Variants in ITGA11 observed in about 807,000 individuals in gnomAD.
The protein encoded by ITGA11 is integrin alpha-11.
A neutral mutation model predicts 141.9 loss-of-function variants in ITGA11; 97 were observed. The ratio of observed to expected loss-of-function variants is 0.68; its 90% confidence interval spans 0.58 to 0.81. ITGA11 has a LOEUF of 0.81. ITGA11 is among the 30% of genes least tolerant of loss of function. The pLI is 0.00. For synonymous variants in ITGA11, 658 were observed against 624.6 expected (o/e 1.05, Z -0.80); for missense variants, 1,387 against 1,559.2 (o/e 0.89, Z 1.86).
Position 68,335,780 on chromosome 15 carries a change from ACCGGGGGGCTCCGGCCACGTACACCCG to A in ITGA11, c.1315_1341del (p.Arg439_Arg447del), listed in dbSNP as rs1894334156. 2.5e-6 allele frequency: 4 copies of A among 1,613,452 alleles called. No homozygotes were observed. Among genetic ancestry groups the A allele is most frequent in the Non-Finnish European group, 3.4e-6 (4 of 1,179,738 alleles). The stretch of plus-strand genomic sequence containing the variant: ...AGGATGACCTTGCCCGTGTGGTTGA[ACCGGGGGGCTCCGGCCACGTACACCCG>A]CCCCTGCCTGGAGGACACGACCGAT... On this transcript the variant is annotated inframe_deletion, in exon 12 of 30. Coordinates refer to ENST00000315757, the MANE Select transcript of ITGA11 (RefSeq NM_001004439.2). This position sits in a 1 kb window ranked among gnomAD's most constrained non-coding sequence, Gnocchi z 4.9.
At chr15:68,370,318 C>T (rs540702551) in intron 2 of ITGA11, among the ~76,000 whole-genome samples, 176 of 152,320 alleles carry the variant, frequency 1.2e-3, no homozygotes, top group African/African-American at 4.0e-3. Context: ...GGTGGCCGTG[C>T]CCTGGAGGAA....
At chr15:68,393,092 A>C (rs759445618) in intron 2 of ITGA11, among the ~76,000 whole-genome samples, 2 of 152,220 alleles carry the variant, frequency 1.3e-5, no homozygotes, top group Non-Finnish European at 2.9e-5. Context: ...ATCTGTAATA[A>C]AGAGTATATC....
chr15:68,428,418 G>C (rs1897193734), intron 1 of ITGA11, among the ~76,000 whole-genome samples: 1 of 152,148 alleles, frequency 6.6e-6, no homozygotes, highest in Non-Finnish European at 1.5e-5. Flanking sequence ...GTGTGGATGG[G>C]CTGGGAATGG....
intron 10 of ITGA11, among the ~76,000 whole-genome samples, chr15:68,348,339 C>T (rs917079043): frequency 1.3e-5 from 2 of 152,216 alleles, no homozygotes; most frequent in Non-Finnish European, 2.9e-5. Flanking sequence ...GATACCCTCC[C>T]AACATTGACA....
chr15:68,417,096 G>T (rs761338896), intron 1 of ITGA11, among the ~76,000 whole-genome samples: 1 of 151,824 alleles, frequency 6.6e-6, no homozygotes, highest in Non-Finnish European at 1.5e-5. Context: ...AACATGGCCC[G>T]AGCTCCTGAG....
intron 2 of ITGA11, among the ~76,000 whole-genome samples, chr15:68,373,096 T>C (rs1287966877): frequency 6.6e-6 from 1 of 152,186 alleles, no homozygotes; most frequent in Non-Finnish European, 1.5e-5. Context: ...CCCTGTGGTG[T>C]GTGTACCCCA....
chr15:68,320,085 C>T, intron 20 of ITGA11, 100 bp downstream of exon 20: 1 of 1,021,116 alleles, frequency 9.8e-7, no homozygotes, highest in South Asian at 1.4e-5. Flanking sequence ...CCACTGCATC[C>T]AGCTTTCTTG....
chr15:68,420,581 T>C (rs1169846160), intron 1 of ITGA11, among the ~76,000 whole-genome samples: 1 of 152,210 alleles, frequency 6.6e-6, no homozygotes, highest in East Asian at 1.9e-4. Flanking sequence ...ACCTACCTAG[T>C]AGCCTGGGGT....
intron 2 of ITGA11, among the ~76,000 whole-genome samples, chr15:68,386,854 G>A (rs1169016334): frequency 6.6e-6 from 1 of 152,102 alleles, no homozygotes; most frequent in Non-Finnish European, 1.5e-5. Flanking sequence ...TCCTCTCGTG[G>A]GTACAAGACA....
rs774912749 is a variant in ITGA11, at chr15:68,301,995, C to T, written c.*1064G>A. 2 of 152,832 alleles carry T rather than the reference C, an allele frequency of 1.3e-5. No individual in the cohort carries two copies. Among genetic ancestry groups the T allele is most frequent in the Admixed American group, 6.6e-5 (1 of 15,260 alleles). 9.5% of individuals were successfully genotyped at this position (152,832 alleles called of 1,614,324 possible). On this transcript the variant is annotated 3_prime_UTR_variant, in exon 30 of 30. Transcript: ENST00000315757. This position sits in a 1 kb window ranked among gnomAD's most constrained non-coding sequence, Gnocchi z 4.4. ...TCAGTGCATTCCAGAGGGGACCCCT[C>T]AACAGCGCTGGCCAAGCCCTTCCCT...
chr15:68,332,332 C>T lies in ITGA11; in HGVS notation c.1566+6G>A, dbSNP rs781554684. The T allele has an allele frequency of 1.1e-5, 18 of 1,601,262 alleles. No homozygotes were observed. Among genetic ancestry groups the T allele is most frequent in the South Asian group, 2.3e-5 (2 of 88,340 alleles). On this transcript the variant is annotated splice_donor_region_variant and intron_variant, in intron 13 of 29. Coordinates refer to ENST00000315757, the MANE Select transcript of ITGA11 (RefSeq NM_001004439.2). ...GAGAAGCTGCCCAGCCCCTGCCCAG[C>T]TGTACCTGTCTCAGCTCATAGACGT...
intron 2 of ITGA11, among the ~76,000 whole-genome samples, chr15:68,381,398 C>T (rs1895857814): frequency 6.6e-6 from 1 of 152,154 alleles, no homozygotes; most frequent in African/African-American, 2.4e-5. Flanking sequence ...AACAGTGGGA[C>T]ATGTGTGCCT....
At chr15:68,306,058 C>T (rs185168631) in intron 28 of ITGA11, among the ~76,000 whole-genome samples, 174 of 148,900 alleles carry the variant, frequency 1.2e-3, no homozygotes, top group Admixed American at 4.6e-3. Flanking sequence ...GGCGTAGTGG[C>T]GGGCGCCTGT....
intron 28 of ITGA11, among the ~76,000 whole-genome samples, chr15:68,306,716 C>A (rs189028372): frequency 6.6e-6 from 1 of 152,190 alleles, no homozygotes; most frequent in Non-Finnish European, 1.5e-5. Context: ...ATAAGGGATG[C>A]TTCCTGACCC....
chr15:68,335,968 G>A lies in ITGA11; in HGVS notation c.1277-123C>T. 1 of 1,162,688 alleles carries A rather than the reference G, an allele frequency of 8.6e-7. No homozygotes were observed. The highest frequency in any genetic ancestry group is 2.6e-5 in the East Asian group (1 of 38,924). The allele number at this position is 1,162,688 out of a possible 1,614,324, so 72.0% of individuals were successfully genotyped here. ...TGATGGGGTAGGTTCAGGGCTAGCT[G>A]AGCAGATTCAATCACGCAGGGCCAT... On this transcript the variant is annotated intron_variant, in intron 11 of 29. Coordinates refer to ENST00000315757, the MANE Select transcript of ITGA11 (RefSeq NM_001004439.2). This position sits in a 1 kb window ranked among gnomAD's most constrained non-coding sequence, Gnocchi z 4.9.
At chr15:68,349,760 A>G (rs1416313307) in intron 9 of ITGA11, among the ~76,000 whole-genome samples, 1 of 152,198 alleles carries the variant, frequency 6.6e-6, no homozygotes, top group African/African-American at 2.4e-5. Flanking sequence ...ATGGAGCTTA[A>G]ATCACAAGGA....
At chr15:68,368,223 G>T (rs1466809817) in intron 3 of ITGA11, among the ~76,000 whole-genome samples, 1 of 152,164 alleles carries the variant, frequency 6.6e-6, no homozygotes, top group Non-Finnish European at 1.5e-5. Context: ...CCACTGCTCT[G>T]GGGTGGAGAC....
chr15:68,319,248 T>C (rs1893708873), intron 20 of ITGA11, among the ~76,000 whole-genome samples: 2 of 152,224 alleles, frequency 1.3e-5, no homozygotes, highest in African/African-American at 2.4e-5. Flanking sequence ...CCCCTCCCTA[T>C]GCCTCAGTTT....
intron 2 of ITGA11, among the ~76,000 whole-genome samples, chr15:68,382,749 C>A (rs951247460): frequency 6.6e-6 from 1 of 152,212 alleles, no homozygotes; most frequent in African/African-American, 2.4e-5. Context: ...TTTTCTACAA[C>A]TCTCTTTCCA....
Sources: allele counts gnomAD v4.1 joint callset (sites outside exome capture counted in the v4.1 genomes callset), GRCh38; gene constraint gnomAD v4.1.1; non-coding constraint Gnocchi (gnomAD v3.1); transcripts MANE v1.5; gene names NCBI Gene and HGNC (gene_info 2026-07-23, HGNC 2026-07-21).